The following VPS13B variants were observed in gnomAD, a reference collection of about 807,000 sequenced individuals.
The protein encoded by VPS13B is vacuolar protein sorting 13 homolog B.
VPS13B carries 285 observed loss-of-function variants against 426.4 expected under a neutral mutation model. The ratio of observed to expected loss-of-function variants is 0.67; its 90% CI spans 0.61 to 0.74. The LOEUF is 0.74. VPS13B is among the 30% of genes least tolerant of loss of function. The pLI is 0.00. For missense variants in VPS13B, 4,537 were observed against 4,782.6 expected, an observed-to-expected ratio of 0.95 and a Z score of 1.51; for synonymous variants, 1,676 against 1,676.4, an observed-to-expected ratio of 1.00 and a Z score of 0.01.
intron 35 of VPS13B, among the ~76,000 whole-genome samples, chr8:99,695,540 G>T (rs867347941): frequency 8.9e-6 from 1 of 111,898 alleles, no homozygotes; most frequent in Non-Finnish European, 1.8e-5. Flanking sequence ...ACACTCTGGG[G>T]ACTGTGGTGG....
intron 35 of VPS13B, among the ~76,000 whole-genome samples, chr8:99,678,160 G>A (rs1831017306): frequency 1.3e-5 from 2 of 151,946 alleles, no homozygotes; most frequent in South Asian, 4.1e-4. Flanking sequence ...CTTTATCATA[G>A]TCTTCAAACT....
chr8:99,244,980 G>C (rs1339109052), intron 17 of VPS13B, among the ~76,000 whole-genome samples: 3 of 152,114 alleles, frequency 2.0e-5, no homozygotes, highest in African/African-American at 7.2e-5. Flanking sequence ...TTATCTACCA[G>C]AGCTTATGGC....
At chr8:99,473,040 A>G (rs1190159520) in intron 24 of VPS13B, among the ~76,000 whole-genome samples, 1 of 152,016 alleles carries the variant, frequency 6.6e-6, no homozygotes, top group Non-Finnish European at 1.5e-5. Context: ...CCATGGAGAA[A>G]ACTTCCAATC....
In VPS13B at chr8:99,859,435, G is replaced by T; in HGVS notation, c.10999G>T (p.Gly3667Cys). Residue 3667 changes from glycine to cysteine, a missense_variant, in exon 57 of 62, where the codon GGC becomes TGC. Gly to Cys is a radical substitution (Grantham distance 159). Around this residue, in one of 2 missense-constraint regions of VPS13B, gnomAD observed 4,311 missense variants for 4,474.3 expected, o/e 0.96. Transcript: ENST00000357162. ...LTRGPGAFVS[G>C]VSRGTTSFVK... is the part of the protein sequence containing the mutation. The stretch of plus-strand genomic sequence containing the variant: ...CCGGGGCCCTGGAGCCTTCGTGAGT[G>T]GCGTCTCCAGAGGGACCACATCGTT... 1 of 1,614,102 alleles carries T rather than the reference G, an allele frequency of 6.2e-7. No homozygotes were observed. The highest frequency in any genetic ancestry group is 8.5e-7 in the Non-Finnish European group (1 of 1,180,030).
At chr8:99,830,670 C>T (rs1814988713) in intron 51 of VPS13B, among the ~76,000 whole-genome samples, 1 of 152,172 alleles carries the variant, frequency 6.6e-6, no homozygotes, top group Non-Finnish European at 1.5e-5. Context: ...CTGCAGCTAG[C>T]TCGGTATCTG....
chr8:99,450,576 G>C (rs1025343138), intron 23 of VPS13B, among the ~76,000 whole-genome samples: 2 of 152,154 alleles, frequency 1.3e-5, no homozygotes, highest in Non-Finnish European at 2.9e-5. Flanking sequence ...AGCCGGGCAT[G>C]GTGGCGTGCG....
At chr8:99,613,314 G>T (rs2133878506) in intron 33 of VPS13B, among the ~76,000 whole-genome samples, 1 of 152,336 alleles carries the variant, frequency 6.6e-6, no homozygotes, top group Non-Finnish European at 1.5e-5. Context: ...AGTGACCAAT[G>T]ATAAATTCTT....
intron 41 of VPS13B, among the ~76,000 whole-genome samples, chr8:99,778,330 T>G (rs980493433): frequency 6.6e-6 from 1 of 152,202 alleles, no homozygotes; most frequent in East Asian, 1.9e-4. Context: ...GTCATGTTTT[T>G]GTTTTGGTTT....
chr8:99,208,308 T>C (rs972386964), intron 17 of VPS13B, among the ~76,000 whole-genome samples: 2 of 152,174 alleles, frequency 1.3e-5, no homozygotes, highest in Non-Finnish European at 2.9e-5. Context: ...CATTTCAGCA[T>C]GTGATTTGAG....
At chr8:99,617,240 T>C (rs1828133866) in intron 33 of VPS13B, among the ~76,000 whole-genome samples, 1 of 152,182 alleles carries the variant, frequency 6.6e-6, no homozygotes, top group Non-Finnish European at 1.5e-5. Context: ...AAAATGAAGG[T>C]TGATTGTGTG....
intron 21 of VPS13B, among the ~76,000 whole-genome samples, chr8:99,393,188 G>A (rs1311400232): frequency 6.6e-6 from 1 of 152,016 alleles, no homozygotes; most frequent in Non-Finnish European, 1.5e-5. Flanking sequence ...GAAAATAGAT[G>A]ATATAGAACT....
intron 3 of VPS13B, among the ~76,000 whole-genome samples, chr8:99,081,821 A>G (rs1223542243): frequency 1.3e-5 from 2 of 152,012 alleles, no homozygotes; most frequent in East Asian, 3.8e-4. Context: ...ATAGTATTCC[A>G]TCGTGTATAT....
At chr8:99,148,889 A>G (rs1009592511) in intron 14 of VPS13B, among the ~76,000 whole-genome samples, 1 of 152,264 alleles carries the variant, frequency 6.6e-6, no homozygotes, top group South Asian at 2.1e-4. Flanking sequence ...AGCTTAGCGC[A>G]TATGTGGAAA....
chr8:99,323,849 GT>G lies in VPS13B; in HGVS notation c.2824+48597del, dbSNP rs1381864501. Reference sequence around the variant, plus strand: ...TTTGACTTGCAACCTGCTTTATAGAGTTAGTGATTTATTGAATATCTTGGAA... The same window carrying G: ...TTTGACTTGCAACCTGCTTTATAGAGTAGTGATTTATTGAATATCTTGGAA... On this transcript the variant is annotated intron_variant, in intron 19 of 61. Coordinates refer to ENST00000357162, the MANE Select transcript of VPS13B (RefSeq NM_152564.5). Among the ~76,000 whole-genome samples the G allele has an allele frequency of 2.0e-5, 3 of 152,308 alleles. No homozygotes were observed. In the East Asian group the frequency reaches 5.8e-4, roughly 29 times the overall value.
At chr8:99,266,738 T>C (rs1473330195) in intron 17 of VPS13B, among the ~76,000 whole-genome samples, 2 of 152,272 alleles carry the variant, frequency 1.3e-5, no homozygotes, top group African/African-American at 4.8e-5. Flanking sequence ...TCAGGAGATC[T>C]GATAGTTTTA....
intron 7 of VPS13B, among the ~76,000 whole-genome samples, 169 bp from the exon 8 acceptor site, chr8:99,121,008 G>A (rs942012142): frequency 4.6e-5 from 7 of 152,168 alleles, no homozygotes; most frequent in African/African-American, 1.7e-4. Context: ...ACAGAAAGTT[G>A]AGAGTCATAA....
intron 34 of VPS13B, among the ~76,000 whole-genome samples, chr8:99,649,438 C>A (rs1829717820): frequency 6.6e-6 from 1 of 151,894 alleles, no homozygotes; most frequent in African/African-American, 2.4e-5. Flanking sequence ...TGGATAATTT[C>A]TATTAAATTT....
intron 34 of VPS13B, among the ~76,000 whole-genome samples, chr8:99,656,285 C>T (rs937359856): frequency 6.6e-6 from 1 of 152,166 alleles, no homozygotes; most frequent in Non-Finnish European, 1.5e-5. Context: ...ACATTTCCTA[C>T]CTTCTGTTAC....
intron 35 of VPS13B, chr8:99,697,935 T>C: frequency 2.3e-6 from 1 of 429,540 alleles, no homozygotes; most frequent in Non-Finnish European, 4.5e-6. Context: ...ACCAGCCAGG[T>C]GGCCAAGATT....
Sources: gnomAD v4.1 joint callset for allele counts (sites outside exome capture counted in the v4.1 genomes callset) on GRCh38, gnomAD v4.1.1 for gene constraint, gnomAD v4.1.1 regional missense constraint, MANE v1.5 for transcripts, NCBI Gene and HGNC (gene_info 2026-07-23, HGNC 2026-07-21) for gene names.